The following CCDC3 variants were observed in gnomAD, a reference collection of about 807,000 sequenced individuals.
CCDC3 encodes coiled-coil domain-containing protein 3.
Under a neutral mutation model 21.4 loss-of-function variants are expected in CCDC3, and 24 were observed. That is an observed-to-expected ratio of 1.12 (90% CI 0.81 to 1.58). The LOEUF (loss-of-function observed/expected upper bound fraction) is 1.58. Ranked by LOEUF, CCDC3 falls within the 40% of genes most tolerant of loss-of-function variation. The pLI is 0.00. For synonymous variants in CCDC3, 186 were observed against 166.0 expected (o/e 1.12, Z -0.93); for missense variants, 425 against 360.9 (o/e 1.18, Z -1.44).
intron 2 of CCDC3, among the ~76,000 whole-genome samples, chr10:12,933,111 A>G (rs12264334): frequency 6.6e-6 from 1 of 152,042 alleles, no homozygotes; most frequent in East Asian, 1.9e-4. Context: ...ATATGGGTCT[A>G]TTGTTTTCTT....
chr10:12,979,913 T>C (rs1346277608), intron 2 of CCDC3, among the ~76,000 whole-genome samples: 2 of 152,192 alleles, frequency 1.3e-5, no homozygotes, highest in African/African-American at 2.4e-5. Context: ...TGAAGCCCCA[T>C]GCTAGTTTCT....
chr10:12,932,742 A>G (rs956470299), intron 2 of CCDC3, among the ~76,000 whole-genome samples: 3 of 152,130 alleles, frequency 2.0e-5, no homozygotes, highest in Non-Finnish European at 4.4e-5. Context: ...CTTGTTCCTG[A>G]TCTTAGCGGG....
At chr10:12,965,248 CT>C (rs566730060) in intron 2 of CCDC3, among the ~76,000 whole-genome samples, 1 of 152,190 alleles carries the variant, frequency 6.6e-6, no homozygotes. Context: ...AGGGGTATGA[CT>C]TTTTTTCCTA....
At chr10:13,017,362 C>T (rs1836077857) in intron 5 of CCDC3, among the ~76,000 whole-genome samples, 1 of 151,516 alleles carries the variant, frequency 6.6e-6, no homozygotes, top group Non-Finnish European at 1.5e-5. Context: ...ACTAAAAATA[C>T]AAAAATTAGC....
intron 5 of CCDC3, among the ~76,000 whole-genome samples, chr10:13,036,083 G>A (rs190855222): frequency 7.2e-5 from 11 of 152,052 alleles, no homozygotes; most frequent in East Asian, 1.9e-4. Flanking sequence ...GGTGGAGAAC[G>A]CAGTGAGCCG....
rs191187776 is a variant in CCDC3 at position 13,010,788 on chromosome 10, T to C, written c.-1-12276A>G. On this transcript the variant is annotated intron_variant, in intron 5 of 6. Transcript: ENST00000378839. Reference sequence around the variant, plus strand: ...CTCATCAATAGTAAGCAATGAACTATTACTACACACCAAAACATGCATGAA... The same window carrying C: ...CTCATCAATAGTAAGCAATGAACTACTACTACACACCAAAACATGCATGAA... Among the ~76,000 whole-genome samples, 908 of 152,302 alleles carry C rather than the reference T, an allele frequency of 6.0e-3. 5 individuals carry two copies. The highest frequency in any genetic ancestry group is 9.9e-3 in the Non-Finnish European group (675 of 68,012).
At chr10:12,993,639 C>T (rs940929766) in intron 2 of CCDC3, among the ~76,000 whole-genome samples, 1 of 152,160 alleles carries the variant, frequency 6.6e-6, no homozygotes, top group African/African-American at 2.4e-5. Context: ...ATGTCCTTGG[C>T]TGGTGTGGAA....
Position 13,046,662 on chromosome 10 carries a change from G to A in CCDC3, c.-2+3012C>T, listed in dbSNP as rs148421523. 7.3e-3 allele frequency among the ~76,000 whole-genome samples: 1,094 copies of A among 150,828 alleles called. 14 individuals are homozygous for A. Among genetic ancestry groups the A allele is most frequent in the Non-Finnish European group, 9.9e-3 (674 of 67,852 alleles). ...GCGGAGGTTGCAGTAAGCTGAGACC[G>A]GGCCATTGCACTCCCGCCTGGGCAA... On this transcript the variant is annotated intron_variant, in intron 5 of 6. Transcript: ENST00000378839.
At chr10:12,983,500 G>A (rs888661731) in intron 2 of CCDC3, among the ~76,000 whole-genome samples, 6 of 151,620 alleles carry the variant, frequency 4.0e-5, no homozygotes, top group African/African-American at 1.5e-4. Context: ...GAGCCTGGGA[G>A]GTAGAGGTTG....
intron 2 of CCDC3, among the ~76,000 whole-genome samples, chr10:12,917,151 T>G (rs1834370162): frequency 7.1e-6 from 1 of 140,640 alleles, no homozygotes; most frequent in African/African-American, 2.6e-5. Context: ...TTGGGGGAGG[T>G]GATGTTGGAA....
intron 5 of CCDC3, among the ~76,000 whole-genome samples, chr10:13,039,704 C>T (rs568328): frequency 0.85 from 128,649 of 152,024 alleles, 55,194 homozygotes; most frequent in Non-Finnish European, 0.91. Context: ...GTAATTTGCA[C>T]TGTGACCTCA....
At position 12,907,851 on chromosome 10, in the gene CCDC3, A is replaced by G. The variant is rs192262757; in HGVS notation, c.550-9172T>C. 9.7e-4 allele frequency among the ~76,000 whole-genome samples: 148 copies of G among 152,212 alleles called. 1 individual carries two copies. The highest frequency in any genetic ancestry group is 6.8e-3 in the Middle Eastern group (2 of 294). On this transcript the variant is annotated intron_variant, in intron 2 of 2. Coordinates refer to ENST00000378825, the MANE Select transcript of CCDC3 (RefSeq NM_031455.4). ...CAGGATGTGACGCAGATGAGGAAAA[A>G]TCCATTCTAGAGGGGAGATGCTAGA...
chr10:13,053,496 G>A (rs149429668), intron 4 of CCDC3, among the ~76,000 whole-genome samples: 1 of 151,990 alleles, frequency 6.6e-6, no homozygotes, highest in Non-Finnish European at 1.5e-5. Flanking sequence ...GATTGAGGCT[G>A]CAGTGAGCTA....
chr10:12,934,707 T>A (rs1183060777), intron 2 of CCDC3, among the ~76,000 whole-genome samples: 1 of 152,184 alleles, frequency 6.6e-6, no homozygotes, highest in Non-Finnish European at 1.5e-5. Flanking sequence ...CCTCTTTATA[T>A]CTGATACCTT....
At chr10:13,019,670 TA>T (rs1309700465) in intron 5 of CCDC3, among the ~76,000 whole-genome samples, 1 of 152,216 alleles carries the variant, frequency 6.6e-6, no homozygotes, top group Non-Finnish European at 1.5e-5. Flanking sequence ...TGATAACGTT[TA>T]AAAATATGTT....
intron 3 of CCDC3, among the ~76,000 whole-genome samples, chr10:13,074,442 T>A (rs910246346): frequency 1.4e-5 from 2 of 141,176 alleles, no homozygotes; most frequent in African/African-American, 5.2e-5. Flanking sequence ...CACCTCGACC[T>A]CCCAAAGTGC....
At chr10:13,045,574 C>T (rs1223324462) in intron 5 of CCDC3, among the ~76,000 whole-genome samples, 3 of 151,980 alleles carry the variant, frequency 2.0e-5, no homozygotes, top group African/African-American at 4.8e-5. Flanking sequence ...GCCAAGATTG[C>T]ACCACCGTAC....
intron 4 of CCDC3, among the ~76,000 whole-genome samples, chr10:13,056,278 A>C (rs937794262): frequency 3.3e-5 from 5 of 152,180 alleles, no homozygotes; most frequent in Admixed American, 1.3e-4. Flanking sequence ...TGGAGGGCAA[A>C]GAGCGTGTGA....
At chr10:12,933,341 A>G (rs950825107) in intron 2 of CCDC3, among the ~76,000 whole-genome samples, 1 of 152,170 alleles carries the variant, frequency 6.6e-6, no homozygotes, top group Non-Finnish European at 1.5e-5. Context: ...TTATAGGTCT[A>G]TTCAGATTCT....
Sources: gnomAD v4.1 joint callset for allele counts (sites outside exome capture counted in the v4.1 genomes callset) on GRCh38, gnomAD v4.1.1 for gene constraint, MANE v1.5 for transcripts, NCBI Gene and HGNC (gene_info 2026-07-23, HGNC 2026-07-21) for gene names.